MEF2A: variants seen among roughly 807,000 people sequenced by gnomAD.
The protein encoded by MEF2A is myocyte-specific enhancer factor 2A.
A neutral mutation model predicts 55.8 loss-of-function variants in MEF2A; 28 were observed. The observed-to-expected ratio is 0.50, with a 90% CI of 0.37 to 0.69. The LOEUF (loss-of-function observed/expected upper bound fraction) is 0.69. Among genes scored for constraint, MEF2A ranks in the 30% least tolerant of loss-of-function variants. MEF2A has a pLI of 0.00. For missense variants in MEF2A, 528 were observed against 626.2 expected, an observed-to-expected ratio of 0.84 and a Z score of 1.67; for synonymous variants, 239 against 227.1, an observed-to-expected ratio of 1.05 and a Z score of -0.47.
At chr15:99,639,111 G>A (rs1223868459) in intron 3 of MEF2A, among the ~76,000 whole-genome samples, 1 of 152,012 alleles carries the variant, frequency 6.6e-6, no homozygotes, top group Non-Finnish European at 1.5e-5. Context: ...TACAGAGAAC[G>A]ATACTTCAAG....
intron 4 of MEF2A, among the ~76,000 whole-genome samples, chr15:99,651,727 T>G (rs867819704): frequency 6.6e-6 from 1 of 152,232 alleles, no homozygotes; most frequent in African/African-American, 2.4e-5. Flanking sequence ...GCTGTGCATG[T>G]GAATATTATT....
chr15:99,700,919 G>A (rs889882860), intron 8 of MEF2A, among the ~76,000 whole-genome samples: 12 of 81,776 alleles, frequency 1.5e-4, no homozygotes, highest in Admixed American at 2.5e-4. Flanking sequence ...AATAAATAAG[G>A]GGAAAAAGGG....
intron 4 of MEF2A, among the ~76,000 whole-genome samples, chr15:99,666,578 T>TATTATAATAATAATA (rs2049782698): frequency 7.1e-6 from 1 of 141,270 alleles, no homozygotes; most frequent in Admixed American, 7.1e-5. Context: ...GAACTTAAAG[T>TATTATAATAATAATA]ATAATAATAA....
chr15:99,645,525 T>G (rs1244460067), intron 3 of MEF2A, 36 bp from the exon 4 acceptor site: 9 of 1,471,914 alleles, frequency 6.1e-6, no homozygotes, highest in Non-Finnish European at 4.7e-6. Flanking sequence ...GTACTACTAA[T>G]GCTTTTAATA....
intron 2 of MEF2A, among the ~76,000 whole-genome samples, chr15:99,612,931 A>G (rs2039537735): frequency 6.6e-6 from 1 of 152,118 alleles, no homozygotes; most frequent in Non-Finnish European, 1.5e-5. Flanking sequence ...AAAAAAAGGA[A>G]AAGACCAAGA....
chr15:99,565,862 G>C (rs1354259486), upstream of MEF2A: 2 of 153,394 alleles, frequency 1.3e-5, no homozygotes, highest in South Asian at 4.1e-4. Flanking sequence ...AGGGAACCCA[G>C]GAGGGAGGGG....
chr15:99,607,670 G>A (rs796341183), intron 2 of MEF2A, among the ~76,000 whole-genome samples: 10 of 152,260 alleles, frequency 6.6e-5, no homozygotes, highest in African/African-American at 2.4e-4. Context: ...ATGAGAGTGA[G>A]TTGTTGGTGG....
At chr15:99,640,167 C>A (rs143959645) in intron 3 of MEF2A, among the ~76,000 whole-genome samples, 1 of 152,262 alleles carries the variant, frequency 6.6e-6, no homozygotes, top group Non-Finnish European at 1.5e-5. Flanking sequence ...ATATATCTTT[C>A]AGATAACTCT....
In MEF2A at chr15:99,594,110, C is replaced by T. The variant is rs1970314788; in HGVS notation, c.-224-4320C>T. 2.0e-5 allele frequency among the ~76,000 whole-genome samples: 3 copies of T among 152,124 alleles called. No individual in the cohort carries two copies. In the South Asian group the frequency reaches 6.2e-4, roughly 31 times the overall value. ...TACCTGGAGATGGCATCATATCCTA[C>T]AGGTTGAGGGCTCAGCCTGACAAGA... On this transcript the variant is annotated intron_variant, in intron 1 of 11. Coordinates refer to ENST00000557942, the MANE Select transcript of MEF2A (RefSeq NM_001319206.4).
At chr15:99,637,306 AT>A (rs2044054895) in intron 3 of MEF2A, among the ~76,000 whole-genome samples, 1 of 152,174 alleles carries the variant, frequency 6.6e-6, no homozygotes, top group African/African-American at 2.4e-5. Context: ...CTTGTAATCT[AT>A]GAACATGTTT....
intron 4 of MEF2A, among the ~76,000 whole-genome samples, chr15:99,647,024 G>A (rs570031776): frequency 1.3e-5 from 2 of 151,900 alleles, no homozygotes; most frequent in African/African-American, 4.8e-5. Context: ...TTTTGCTTTT[G>A]TTGATAACTT....
At chr15:99,589,950 T>C (rs1968685599) in intron 1 of MEF2A, among the ~76,000 whole-genome samples, 2 of 152,120 alleles carry the variant, frequency 1.3e-5, no homozygotes, top group Non-Finnish European at 2.9e-5. Context: ...CCAAGACACA[T>C]GTACATTTTC....
chr15:99,566,274 T>A (rs1959258053), intron 1 of MEF2A, among the ~76,000 whole-genome samples, 170 bp downstream of exon 1: 1 of 122,932 alleles, frequency 8.1e-6, no homozygotes, highest in South Asian at 3.0e-4. Context: ...CGAGGCCGTG[T>A]CCGGCTTGGA....
chr15:99,707,601 A>C (rs1181422056), intron 10 of MEF2A, among the ~76,000 whole-genome samples: 1 of 152,182 alleles, frequency 6.6e-6, no homozygotes, highest in Non-Finnish European at 1.5e-5. Flanking sequence ...ATTTAAATTT[A>C]CCAATCTAAG....
intron 3 of MEF2A, among the ~76,000 whole-genome samples, chr15:99,641,008 C>T (rs2044805036): frequency 6.6e-6 from 1 of 152,074 alleles, no homozygotes; most frequent in African/African-American, 2.4e-5. Flanking sequence ...TGTTTATTCC[C>T]TGTGATCTCG....
At chr15:99,616,275 C>A (rs913913751) in intron 2 of MEF2A, among the ~76,000 whole-genome samples, 5 of 152,004 alleles carry the variant, frequency 3.3e-5, no homozygotes, top group Admixed American at 2.6e-4. Context: ...AAATGTGTAT[C>A]CATTTTATAA....
chr15:99,686,040 C>T (rs568350023), intron 7 of MEF2A, among the ~76,000 whole-genome samples: 6 of 152,084 alleles, frequency 3.9e-5, no homozygotes, highest in South Asian at 2.1e-4. Context: ...TTAACCTAGG[C>T]GGGTTGTATA....
intron 2 of MEF2A, among the ~76,000 whole-genome samples, chr15:99,602,263 C>G (rs1973355719): frequency 6.6e-6 from 1 of 152,124 alleles, no homozygotes; most frequent in African/African-American, 2.4e-5. Flanking sequence ...TGGCATACTT[C>G]TGGGGTCTTG....
At chr15:99,609,564 T>C (rs1976408283) in intron 2 of MEF2A, among the ~76,000 whole-genome samples, 1 of 152,188 alleles carries the variant, frequency 6.6e-6, no homozygotes, top group Non-Finnish European at 1.5e-5. Context: ...TAATATAGCA[T>C]GTACAATTGA....
Sources: gnomAD v4.1 joint callset for allele counts (sites outside exome capture counted in the v4.1 genomes callset) on GRCh38, gnomAD v4.1.1 for gene constraint, MANE v1.5 for transcripts, NCBI Gene and HGNC (gene_info 2026-07-23, HGNC 2026-07-21) for gene names.